The following SUPT3H variants were observed in gnomAD, a reference collection of about 807,000 sequenced individuals.
The protein encoded by SUPT3H is SPT3 homolog, SAGA and STAGA complex component, also known as transcription initiation protein SPT3 homolog.
A neutral mutation model predicts 44.3 loss-of-function variants in SUPT3H; 44 were observed. The observed-to-expected ratio is 0.99, with a 90% confidence interval of 0.78 to 1.28. The LOEUF (loss-of-function observed/expected upper bound fraction) is 1.28. Ranked by LOEUF, SUPT3H falls within the 50% of genes most tolerant of loss-of-function variation. The pLI is 0.00. For missense variants in SUPT3H, 380 were observed against 387.1 expected (o/e 0.98, Z 0.15); for synonymous variants, 124 against 125.6 (o/e 0.99, Z 0.09).
At chr6:45,308,817 A>G (rs115175074) in intron 2 of SUPT3H, among the ~76,000 whole-genome samples, 8 of 151,932 alleles carry the variant, frequency 5.3e-5, no homozygotes, top group African/African-American at 1.4e-4. Context: ...AAGGTGCACA[A>G]TTTGGTTTGT....
intron 6 of SUPT3H, among the ~76,000 whole-genome samples, chr6:44,999,416 G>A (rs1781715559): frequency 6.6e-6 from 1 of 151,878 alleles, no homozygotes; most frequent in African/African-American, 2.4e-5. Context: ...GTTTTGTAAC[G>A]ATTTTCGATT....
At chr6:45,031,164 A>C (rs1349447460) in intron 3 of SUPT3H, among the ~76,000 whole-genome samples, 1 of 152,198 alleles carries the variant, frequency 6.6e-6, no homozygotes, top group Non-Finnish European at 1.5e-5. Context: ...TATTTAGAAA[A>C]GATAAATTAA....
chr6:45,335,141 T>C (rs529703865), intron 2 of SUPT3H, among the ~76,000 whole-genome samples: 10 of 151,230 alleles, frequency 6.6e-5, no homozygotes, highest in East Asian at 1.9e-4. Context: ...AATTTAAGCA[T>C]TGAATTTCTA....
chr6:44,923,838 C>CA (rs1245445827), intron 10 of SUPT3H, among the ~76,000 whole-genome samples: 1 of 151,862 alleles, frequency 6.6e-6, no homozygotes, highest in African/African-American at 2.4e-5. Context: ...AAACAAAAAA[C>CA]AAAAAAACAA....
intron 2 of SUPT3H, among the ~76,000 whole-genome samples, chr6:45,250,381 TA>T (rs1772145420): frequency 7.0e-6 from 1 of 142,046 alleles, no homozygotes; most frequent in Non-Finnish European, 1.6e-5. Flanking sequence ...AATAAAACAA[TA>T]AAAAATAAAA....
At chr6:44,962,925 C>A (rs1306377197) in intron 6 of SUPT3H, among the ~76,000 whole-genome samples, 1 of 151,952 alleles carries the variant, frequency 6.6e-6, no homozygotes. Flanking sequence ...TCTCTCCCTT[C>A]CTTCATTCCT....
chr6:44,868,459 G>A (rs1180312520), intron 10 of SUPT3H, among the ~76,000 whole-genome samples: 1 of 152,214 alleles, frequency 6.6e-6, no homozygotes, highest in Non-Finnish European at 1.5e-5. Context: ...CTGCCTGGAT[G>A]AGGCTGTGTC....
intron 2 of SUPT3H, among the ~76,000 whole-genome samples, chr6:45,107,090 G>A (rs946346897): frequency 6.6e-6 from 1 of 152,202 alleles, no homozygotes; most frequent in Non-Finnish European, 1.5e-5. Context: ...GCTGGCCTTA[G>A]AATTCCTCTT....
At chr6:45,063,888 G>A (rs1028188112) in intron 3 of SUPT3H, among the ~76,000 whole-genome samples, 5 of 127,124 alleles carry the variant, frequency 3.9e-5, no homozygotes, top group South Asian at 2.8e-4. Flanking sequence ...ACACTCTGCA[G>A]GATATTATCC....
At chr6:45,261,197 G>T (rs568566703) in intron 2 of SUPT3H, among the ~76,000 whole-genome samples, 1 of 151,730 alleles carries the variant, frequency 6.6e-6, no homozygotes, top group Admixed American at 6.6e-5. Context: ...AAAATCAAGT[G>T]GGAACTCCTC....
intron 2 of SUPT3H, among the ~76,000 whole-genome samples, chr6:45,196,983 C>T (rs1816151624): frequency 6.6e-6 from 1 of 151,356 alleles, no homozygotes; most frequent in Non-Finnish European, 1.5e-5. Context: ...ATAACACATC[C>T]TCAGCTTCTG....
chr6:44,999,753 T>C (rs10948197), intron 6 of SUPT3H, among the ~76,000 whole-genome samples: 53,053 of 151,904 alleles, frequency 0.35, 9,862 homozygotes, highest in Admixed American at 0.42. Context: ...CTCCACATAC[T>C]AGAAGCTTTC....
At chr6:45,077,129 C>T (rs755088070) in intron 3 of SUPT3H, among the ~76,000 whole-genome samples, 5 of 152,158 alleles carry the variant, frequency 3.3e-5, no homozygotes, top group African/African-American at 7.2e-5. Flanking sequence ...ATTTCCCCCA[C>T]GAAGCTTTCC....
At chr6:45,312,248 C>T (rs1784066590) in intron 2 of SUPT3H, among the ~76,000 whole-genome samples, 1 of 152,128 alleles carries the variant, frequency 6.6e-6, no homozygotes, top group Admixed American at 6.6e-5. Context: ...GTGGCTGACA[C>T]CTGTAATCCC....
At chr6:45,302,917 T>C (rs1014669853) in intron 2 of SUPT3H, among the ~76,000 whole-genome samples, 1 of 152,032 alleles carries the variant, frequency 6.6e-6, no homozygotes, top group African/African-American at 2.4e-5. Flanking sequence ...TGGGTTTTGG[T>C]TTAAATAGGC....
At chr6:45,218,139 C>A (rs1207924941) in intron 2 of SUPT3H, among the ~76,000 whole-genome samples, 2 of 151,926 alleles carry the variant, frequency 1.3e-5, no homozygotes, top group Non-Finnish European at 2.9e-5. Flanking sequence ...TGAAGGTAAT[C>A]CTTTGAAAGC....
At chr6:45,235,586 G>A (rs183605596) in intron 2 of SUPT3H, among the ~76,000 whole-genome samples, 22 of 152,196 alleles carry the variant, frequency 1.4e-4, no homozygotes, top group South Asian at 6.2e-4. Context: ...AAACACACAC[G>A]CGCATTTATT....
intron 6 of SUPT3H, among the ~76,000 whole-genome samples, chr6:44,963,107 T>C (rs1429051179): frequency 1.3e-5 from 2 of 151,602 alleles, no homozygotes; most frequent in Non-Finnish European, 2.9e-5. Context: ...AAATTATATA[T>C]GTACACATAT....
chr6:45,281,190 G>C (rs552662476), intron 2 of SUPT3H, among the ~76,000 whole-genome samples: 5 of 152,324 alleles, frequency 3.3e-5, no homozygotes, highest in South Asian at 2.1e-4. Flanking sequence ...GGTGATTTCT[G>C]CATTTCCAAC....
Sources: allele counts gnomAD v4.1 joint callset (sites outside exome capture counted in the v4.1 genomes callset), GRCh38; gene constraint gnomAD v4.1.1; transcripts MANE v1.5; gene names NCBI Gene and HGNC (gene_info 2026-07-23, HGNC 2026-07-21).